CAPS2: variants seen among roughly 807,000 people sequenced by gnomAD.
CAPS2 encodes calcyphosine 2.
Under a neutral mutation model 86.5 loss-of-function variants are expected in CAPS2, and 98 were observed. That is an observed-to-expected ratio of 1.13 (90% CI 0.96 to 1.34). CAPS2 has a LOEUF of 1.34. Among genes scored for constraint, CAPS2 ranks in the 40% most tolerant of loss-of-function variants. The probability of loss-of-function intolerance (pLI) is 0.00; values close to 1 mark genes in which losing one functional copy is unlikely to be tolerated. For missense variants in CAPS2, 729 were observed against 686.8 expected, an observed-to-expected ratio of 1.06 and a Z score of -0.69; for synonymous variants, 210 against 225.1, an observed-to-expected ratio of 0.93 and a Z score of 0.60.
At chr12:75,329,393 T>C (rs1288670277), upstream of CAPS2, among the ~76,000 whole-genome samples, 1 of 152,224 alleles carries the variant, frequency 6.6e-6, no homozygotes, top group African/African-American at 2.4e-5. Context: ...TGGCTGCATG[T>C]CATGAGATGA....
At chr12:75,306,289 T>C in intron 7 of CAPS2, 1 of 605,996 alleles carries the variant, frequency 1.7e-6, no homozygotes, top group South Asian at 1.8e-5. Flanking sequence ...TGGGAAGCTA[T>C]GGAGGAGGCC....
chr12:75,341,689 G>A (rs1042233082), intron 1 of CAPS2, among the ~76,000 whole-genome samples: 7 of 150,262 alleles, frequency 4.7e-5, no homozygotes, highest in South Asian at 2.1e-4. Flanking sequence ...CTCGTGATCC[G>A]CCCGCATCGG....
chr12:75,276,187 T>C, downstream of CAPS2: 1 of 1,535,954 alleles, frequency 6.5e-7, no homozygotes, highest in Non-Finnish European at 8.8e-7. Context: ...TACCTTCTAT[T>C]TCTTTGTTTT....
chr12:75,343,378 C>T (rs1565960262), intron 1 of CAPS2, among the ~76,000 whole-genome samples: 1 of 151,730 alleles, frequency 6.6e-6, no homozygotes, highest in South Asian at 2.1e-4. Flanking sequence ...TTAACATGAC[C>T]TTCTGAATTA....
intron 16 of CAPS2, among the ~76,000 whole-genome samples, chr12:75,281,108 C>G (rs2033866054): frequency 6.6e-6 from 1 of 151,538 alleles, no homozygotes. Flanking sequence ...TTTTTTTAAC[C>G]CATCAGACTG....
At chr12:75,335,376 T>C (rs544565465) in intron 1 of CAPS2, among the ~76,000 whole-genome samples, 4 of 152,310 alleles carry the variant, frequency 2.6e-5, no homozygotes, top group African/African-American at 7.2e-5. Flanking sequence ...AAAAATACAG[T>C]ACTCTATTGA....
intron 1 of CAPS2, among the ~76,000 whole-genome samples, chr12:75,342,517 T>C (rs1014311331): frequency 1.3e-5 from 2 of 152,182 alleles, no homozygotes; most frequent in African/African-American, 4.8e-5. Context: ...TTGTGATGAG[T>C]TGTTTCTGGA....
downstream of CAPS2, chr12:75,276,142 T>G: frequency 6.7e-7 from 1 of 1,481,590 alleles, no homozygotes; most frequent in Non-Finnish European, 9.0e-7. Flanking sequence ...TTGTCTTTGC[T>G]CTTCTCTTGC....
intron 1 of CAPS2, among the ~76,000 whole-genome samples, chr12:75,384,251 T>A (rs1056164358): frequency 6.6e-6 from 1 of 152,132 alleles, no homozygotes; most frequent in South Asian, 2.1e-4. Context: ...ATAAGATTGA[T>A]AAGCTTCTAG....
At chr12:75,366,261 C>T (rs895514751) in intron 1 of CAPS2, among the ~76,000 whole-genome samples, 3 of 152,010 alleles carry the variant, frequency 2.0e-5, no homozygotes, top group Non-Finnish European at 4.4e-5. Context: ...TATTTCAGAA[C>T]TTAAGCCATA....
chr12:75,359,365 T>C (rs2043404225), intron 1 of CAPS2, among the ~76,000 whole-genome samples: 1 of 134,438 alleles, frequency 7.4e-6, no homozygotes, highest in Non-Finnish European at 1.6e-5. Context: ...GTCTTTTTTT[T>C]TTTTTTTTTT....
At chr12:75,321,660 C>T (rs1469771285) in intron 4 of CAPS2, 84 bp from the exon 5 acceptor site, 1 of 939,654 alleles carries the variant, frequency 1.1e-6, no homozygotes. Context: ...TACCTCTTAC[C>T]TTAGCATCCA....
At chr12:75,319,785 AT>A (rs2040126425) in intron 5 of CAPS2, among the ~76,000 whole-genome samples, 1 of 152,114 alleles carries the variant, frequency 6.6e-6, no homozygotes, top group South Asian at 2.1e-4. Flanking sequence ...TTACATGTTG[AT>A]CTCTGCTTTA....
intron 1 of CAPS2, among the ~76,000 whole-genome samples, chr12:75,366,036 T>C (rs1223644507): frequency 6.6e-6 from 1 of 152,182 alleles, no homozygotes; most frequent in Admixed American, 6.6e-5. Flanking sequence ...AATGCTACAA[T>C]TCTAATTCTA....
rs1341435711 is a variant in CAPS2 at position 75,284,978 on chromosome 12, T to A, written c.1498A>T (p.Lys500Ter). ...AAAGTTACCTTTCGAACATATGATTTCCTGTATTCATTCATTTCACCAATA... is the reference window on the plus strand; with the variant it reads ...AAAGTTACCTTTCGAACATATGATTACCTGTATTCATTCATTTCACCAATA... Residue 500 changes from lysine (K) to a stop codon, truncating the protein, a stop_gained, in exon 15 of 17, where the codon AAA (lysine) becomes TAA (stop). Transcript: ENST00000393284. LOFTEE classifies it high-confidence loss of function. The A allele has an allele frequency of 2.5e-6, 4 of 1,604,730 alleles. No homozygotes were observed. Among genetic ancestry groups the A allele is most frequent in the Non-Finnish European group, 3.4e-6 (4 of 1,175,272 alleles).
At chr12:75,323,638 G>A (rs1012685325) in intron 2 of CAPS2, among the ~76,000 whole-genome samples, 1 of 152,206 alleles carries the variant, frequency 6.6e-6, no homozygotes, top group Admixed American at 6.5e-5. Context: ...AGCTACTGGG[G>A]AGGCTAAGGC....
chr12:75,302,183 G>A (rs145908707), intron 8 of CAPS2, among the ~76,000 whole-genome samples: 2 of 152,204 alleles, frequency 1.3e-5, no homozygotes, highest in African/African-American at 4.8e-5. Flanking sequence ...AAAATAAATG[G>A]GGCATAAGAG....
chr12:75,366,438 G>T (rs2043967377), intron 1 of CAPS2, among the ~76,000 whole-genome samples: 1 of 152,108 alleles, frequency 6.6e-6, no homozygotes, highest in South Asian at 2.1e-4. Flanking sequence ...TTTGGGCTAT[G>T]AATTTTTCTT....
At chr12:75,349,038 C>T (rs1388436965) in intron 1 of CAPS2, among the ~76,000 whole-genome samples, 1 of 151,974 alleles carries the variant, frequency 6.6e-6, no homozygotes, top group African/African-American at 2.4e-5. Flanking sequence ...AGCTAGAGTT[C>T]ACGGAAAAGA....
Sources: allele counts gnomAD v4.1 joint callset (sites outside exome capture counted in the v4.1 genomes callset), GRCh38; gene constraint gnomAD v4.1.1; transcripts MANE v1.5; gene names NCBI Gene and HGNC (gene_info 2026-07-23, HGNC 2026-07-21).